Variants in TDP1 observed in about 807,000 individuals in gnomAD.
TDP1 encodes the protein tyrosyl-DNA phosphodiesterase 1.
Under a neutral mutation model 81.5 loss-of-function variants are expected in TDP1, and 64 were observed. The ratio of observed to expected loss-of-function variants is 0.79; its 90% confidence interval spans 0.64 to 0.97. TDP1 has a LOEUF of 0.97. Among genes scored for constraint, TDP1 ranks in the 50% least tolerant of loss-of-function variants. TDP1 has a pLI of 0.00. For synonymous variants in TDP1, 256 were observed against 264.3 expected (o/e 0.97, Z 0.30); for missense variants, 723 against 743.8 (o/e 0.97, Z 0.33).
At chr14:89,970,307 A>G (rs967056897) in intron 5 of TDP1, among the ~76,000 whole-genome samples, 6 of 152,168 alleles carry the variant, frequency 3.9e-5, no homozygotes, top group East Asian at 1.9e-4. Flanking sequence ...AGCATTTTCA[A>G]CGTAGCTTGG....
At chr14:89,975,581 G>GTTTTTTTTTTT in intron 6 of TDP1, 200 bp from the exon 7 acceptor site, 1 of 267,862 alleles carries the variant, frequency 3.7e-6, no homozygotes, top group Non-Finnish European at 5.0e-6. Context: ...CAAAATTTGT[G>GTTTTTTTTTTT]TTTTTTTTTT....
chr14:89,984,682 A>G lies in TDP1; in HGVS notation c.1051A>G (p.Asn351Asp). 1 of 1,613,806 alleles carries G rather than the reference A, an allele frequency of 6.2e-7. No homozygotes were observed. The highest frequency in any genetic ancestry group is 8.5e-7 in the Non-Finnish European group (1 of 1,180,012). Residue 351 changes from asparagine to aspartate, a missense_variant and splice_region_variant, in exon 9 of 17, where the codon AAT becomes GAT. By Grantham distance (23) the Asn-to-Asp change is conservative (BLOSUM62 1). Transcript: ENST00000335725. ...TCACAAGCACGATCTCTCTGAAACAAAGTATGTGTCAGCTTATCAATTTGG... is the reference window on the plus strand; with the variant it reads ...TCACAAGCACGATCTCTCTGAAACAGAGTATGTGTCAGCTTATCAATTTGG... ...VIHKHDLSET[N>D]VYLIGSTPGR... is the part of the protein sequence containing the mutation.
chr14:89,985,069 A>ATT lies in TDP1; in HGVS notation c.1053-56_1053-55dup, dbSNP rs35558322. ...TATTAGTTTTCATGTGTATTTTGTC[A>ATT]TTTTTTTTGGTGCCCAAAGCACATC... is the stretch of plus-strand genomic sequence containing the variant. On this transcript the variant is annotated intron_variant, in intron 9 of 16. Transcript: ENST00000335725. 7 of 1,409,544 alleles carry ATT rather than the reference A, an allele frequency of 5.0e-6. No homozygotes were observed. In the African/African-American group the frequency reaches 1.0e-4, roughly 21 times the overall value. 87.3% of individuals were successfully genotyped at this position (1,409,544 alleles called of 1,614,324 possible). A position where few individuals can be genotyped will look rare whatever the true frequency, so the allele number is the denominator to read the frequency against.
At chr14:90,027,774 G>T (rs1886836393) in intron 15 of TDP1, among the ~76,000 whole-genome samples, 1 of 152,088 alleles carries the variant, frequency 6.6e-6, no homozygotes, top group Non-Finnish European at 1.5e-5. Flanking sequence ...TTTTCTCGTT[G>T]TACAATGGAA....
intron 14 of TDP1, among the ~76,000 whole-genome samples, chr14:89,999,014 A>G (rs1287546053): frequency 1.3e-5 from 2 of 151,958 alleles, no homozygotes; most frequent in Non-Finnish European, 2.9e-5. Flanking sequence ...GTTCCATGAG[A>G]TTTTCTAGAA....
Position 90,033,155 on chromosome 14 carries a change from A to T in TDP1, c.1694A>T (p.Glu565Val), listed in dbSNP as rs1449467935. Residue 565 changes from glutamate (E) to valine (V), a missense_variant, in exon 16 of 17, where the codon GAG becomes GTG. By Grantham distance (121) the Glu-to-Val change is moderately radical. Coordinates refer to ENST00000335725, the MANE Select transcript of TDP1 (RefSeq NM_018319.4). ...VKQKFFAGSQ[E>V]PMATFPVPYD... ...CAGAAGTTCTTCGCTGGCAGCCAGG[A>T]GCCAATGGCCACCTTTCCTGTGCCA... 2 of 1,613,726 alleles carry T rather than the reference A, an allele frequency of 1.2e-6. No individual in the cohort carries two copies. Among genetic ancestry groups the T allele is most frequent in the East Asian group, 2.2e-5 (1 of 44,882 alleles).
chr14:89,993,596 C>T, intron 14 of TDP1, 113 bp downstream of exon 14: 2 of 1,506,148 alleles, frequency 1.3e-6, no homozygotes, highest in South Asian at 1.2e-5. Context: ...CATTAGTTTT[C>T]AGTATGTTTG....
At chr14:90,023,118 A>G (rs1477943724) in intron 15 of TDP1, 5 of 748,542 alleles carry the variant, frequency 6.7e-6, no homozygotes, top group Non-Finnish European at 1.2e-5. Context: ...ACTGGTGATT[A>G]CAATATATGA....
chr14:89,994,441 G>T (rs1012079883), intron 14 of TDP1, among the ~76,000 whole-genome samples: 2 of 152,178 alleles, frequency 1.3e-5, no homozygotes, highest in Admixed American at 6.5e-5. Context: ...GTCTGTTTGG[G>T]TGTTGTTTTC....
intron 16 of TDP1, among the ~76,000 whole-genome samples, chr14:90,036,219 A>G (rs1466668696): frequency 6.6e-6 from 1 of 152,186 alleles, no homozygotes; most frequent in African/African-American, 2.4e-5. Flanking sequence ...TTTATTTAAT[A>G]TTGGTACTGT....
intron 15 of TDP1, among the ~76,000 whole-genome samples, chr14:90,027,723 G>T (rs1014427263): frequency 1.3e-5 from 2 of 152,184 alleles, no homozygotes; most frequent in Non-Finnish European, 2.9e-5. Flanking sequence ...CTTACAAGCT[G>T]TGTTAGATTT....
At chr14:90,008,191 C>T (rs1412578868) in intron 14 of TDP1, among the ~76,000 whole-genome samples, 1 of 152,228 alleles carries the variant, frequency 6.6e-6, no homozygotes, top group African/African-American at 2.4e-5. Flanking sequence ...GACTCACCCT[C>T]TCTCACTTCC....
chr14:89,991,471 G>A, intron 12 of TDP1: 1 of 772,832 alleles, frequency 1.3e-6, no homozygotes, highest in Non-Finnish European at 1.6e-6. Flanking sequence ...TCTCGACACA[G>A]AAGAATTGTA....
At chr14:90,021,401 A>G (rs575806052) in intron 15 of TDP1, among the ~76,000 whole-genome samples, 1 of 152,326 alleles carries the variant, frequency 6.6e-6, no homozygotes, top group Non-Finnish European at 1.5e-5. Context: ...AATAATAAGT[A>G]ATGGAATAAA....
intron 14 of TDP1, among the ~76,000 whole-genome samples, chr14:90,010,932 G>C (rs891112603): frequency 6.6e-6 from 1 of 152,180 alleles, no homozygotes; most frequent in Non-Finnish European, 1.5e-5. Flanking sequence ...TGGGCTGGCT[G>C]TATCCCCACC....
In TDP1 at chr14:90,044,367, G is replaced by A. The variant is rs1352688048; in HGVS notation, c.*1224G>A. 6.6e-6 allele frequency: 1 copy of A among 152,216 alleles called. No homozygotes were observed. Among genetic ancestry groups the A allele is most frequent in the Non-Finnish European group, 1.5e-5 (1 of 68,046 alleles). The allele number at this position is 152,216 out of a possible 1,614,324, so 9.4% of individuals were successfully genotyped here. ...CGGGGCTCAGAGCTTGAGTGTCTTTGTGCTTTGTGTACATTGTGTTCTCCC... is the reference window on the plus strand; with the variant it reads ...CGGGGCTCAGAGCTTGAGTGTCTTTATGCTTTGTGTACATTGTGTTCTCCC... On this transcript the variant is annotated 3_prime_UTR_variant, in exon 17 of 17. Coordinates refer to ENST00000335725, the MANE Select transcript of TDP1 (RefSeq NM_018319.4).
chr14:89,988,293 C>G (rs1895794401), intron 10 of TDP1, among the ~76,000 whole-genome samples: 2 of 152,126 alleles, frequency 1.3e-5, no homozygotes, highest in South Asian at 2.1e-4. Context: ...CATCACTGGC[C>G]ATTGCTGATC....
At chr14:89,971,408 C>A in intron 6 of TDP1, 137 bp downstream of exon 6, 1 of 719,964 alleles carries the variant, frequency 1.4e-6, no homozygotes, top group Non-Finnish European at 2.5e-6. Flanking sequence ...CTAGCCTCAG[C>A]TTAAACACTT....
At chr14:90,039,397 G>A (rs571968606) in intron 16 of TDP1, among the ~76,000 whole-genome samples, 1 of 152,188 alleles carries the variant, frequency 6.6e-6, no homozygotes, top group African/African-American at 2.4e-5. Context: ...CATCTCTTTG[G>A]CATTCCACCC....
Sources: allele counts gnomAD v4.1 joint callset (sites outside exome capture counted in the v4.1 genomes callset), GRCh38; gene constraint gnomAD v4.1.1; transcripts MANE v1.5; gene names NCBI Gene and HGNC (gene_info 2026-07-23, HGNC 2026-07-21).